The following SOX5 variants were observed in gnomAD, a reference collection of about 807,000 sequenced individuals.
The protein encoded by SOX5 is SRY-box transcription factor 5.
In SOX5, 9 loss-of-function variants were observed where a neutral mutation model predicts 92.0. The ratio of observed to expected loss-of-function variants is 0.10; its 90% CI spans 0.06 to 0.17. SOX5 has a LOEUF of 0.17. Ranked by LOEUF, SOX5 falls within the 10% of genes least tolerant of loss-of-function variation. The pLI, the probability that SOX5 is intolerant of heterozygous loss-of-function variation, is 1.00. For missense variants in SOX5, 642 were observed against 944.5 expected (o/e 0.68, Z 4.20); for synonymous variants, 344 against 336.3 (o/e 1.02, Z -0.25).
At chr12:23,865,592 T>C (rs1337899011) in intron 2 of SOX5, among the ~76,000 whole-genome samples, 2 of 152,032 alleles carry the variant, frequency 1.3e-5, no homozygotes, top group African/African-American at 4.8e-5. Context: ...GGAGAATCAC[T>C]TGAACCCGGG....
chr12:23,545,131 A>G (rs964909439), intron 12 of SOX5, among the ~76,000 whole-genome samples: 1 of 152,228 alleles, frequency 6.6e-6, no homozygotes, highest in African/African-American at 2.4e-5. Context: ...TCCCTTGATT[A>G]GTATAGACCT....
chr12:24,092,841 T>C (rs886787570), intron 4 of SOX5, among the ~76,000 whole-genome samples: 3 of 152,164 alleles, frequency 2.0e-5, no homozygotes, highest in Admixed American at 2.0e-4. Context: ...TTTAGACCAA[T>C]AAATAATAGC....
At chr12:24,435,187 C>T (rs1226005622) in intron 1 of SOX5, among the ~76,000 whole-genome samples, 1 of 152,196 alleles carries the variant, frequency 6.6e-6, no homozygotes, top group Non-Finnish European at 1.5e-5. Flanking sequence ...GAGATACTAG[C>T]TAAGAGGTTG....
intron 4 of SOX5, among the ~76,000 whole-genome samples, chr12:24,050,861 T>A (rs961455519): frequency 1.3e-5 from 2 of 152,152 alleles, no homozygotes; most frequent in African/African-American, 4.8e-5. Flanking sequence ...TTATTATTAT[T>A]TGGAGAGGTC....
intron 2 of SOX5, among the ~76,000 whole-genome samples, chr12:24,340,049 G>A (rs1952401816): frequency 6.6e-6 from 1 of 152,206 alleles, no homozygotes. Context: ...CTGCAGAAGA[G>A]TCTTGCAGGC....
rs1197912028 is a variant in SOX5 at position 23,577,150 on chromosome 12, TACACACACACAC to T, written c.1165-1324_1165-1313del. Reference sequence around the variant, plus strand: ...TCGATATCAAGTTTATATATATATATACACACACACACACACACACACACACATATATATATA... The same window carrying T: ...TCGATATCAAGTTTATATATATATATACACACACACACACATATATATATA... On this transcript the variant is annotated intron_variant, in intron 9 of 14. Transcript: ENST00000451604. Among the ~76,000 whole-genome samples, 6 of 117,598 alleles carry T rather than the reference TACACACACACAC, an allele frequency of 5.1e-5. No homozygotes were observed. In the South Asian group the frequency reaches 1.4e-3, roughly 27 times the overall value. The allele number at this position is 117,598 out of a possible 152,430, so 77.1% of individuals were successfully genotyped here.
At chr12:24,317,869 G>T (rs1949845515) in intron 2 of SOX5, among the ~76,000 whole-genome samples, 1 of 152,110 alleles carries the variant, frequency 6.6e-6, no homozygotes, top group Non-Finnish European at 1.5e-5. Flanking sequence ...ATCAAAAGAA[G>T]AGATCCCTCC....
At chr12:23,674,404 C>G (rs1014395222) in intron 6 of SOX5, among the ~76,000 whole-genome samples, 2 of 128,262 alleles carry the variant, frequency 1.6e-5, no homozygotes, top group Non-Finnish European at 3.1e-5. Flanking sequence ...TCAGCACGAT[C>G]TCGGCTCTCT....
chr12:23,886,270 A>G (rs1282269730), intron 2 of SOX5, among the ~76,000 whole-genome samples: 2 of 152,234 alleles, frequency 1.3e-5, no homozygotes, highest in Non-Finnish European at 2.9e-5. Flanking sequence ...AGAAAATCCA[A>G]TACTAGACTC....
chr12:24,442,545 T>A (rs980192764), intron 1 of SOX5, among the ~76,000 whole-genome samples: 9 of 152,190 alleles, frequency 5.9e-5, no homozygotes, highest in Non-Finnish European at 1.3e-4. Flanking sequence ...TGGGGTAGTG[T>A]CTGCTGCTTT....
At chr12:23,534,774 A>G (rs924706141) in intron 14 of SOX5, among the ~76,000 whole-genome samples, 1 of 135,850 alleles carries the variant, frequency 7.4e-6, no homozygotes, top group African/African-American at 2.8e-5. Flanking sequence ...CAATGGCGTG[A>G]TCTTGCCTCA....
At chr12:23,785,655 A>G (rs1315221077) in intron 3 of SOX5, among the ~76,000 whole-genome samples, 1 of 152,110 alleles carries the variant, frequency 6.6e-6, no homozygotes, top group African/African-American at 2.4e-5. Flanking sequence ...TTAGATGGAC[A>G]ATAATGTTGA....
At chr12:23,636,844 C>T (rs995085003) in intron 8 of SOX5, among the ~76,000 whole-genome samples, 11 of 152,146 alleles carry the variant, frequency 7.2e-5, no homozygotes, top group Admixed American at 1.3e-4. Context: ...CATAAAGTCT[C>T]CTGTACTTGA....
chr12:23,959,792 C>A (rs1946689279), intron 4 of SOX5, among the ~76,000 whole-genome samples: 1 of 152,110 alleles, frequency 6.6e-6, no homozygotes, highest in African/African-American at 2.4e-5. Flanking sequence ...TGCTCAACAT[C>A]TTCCATTATA....
rs538172401 is a variant in SOX5 at position 23,586,296 on chromosome 12, G to A, written c.1165-10458C>T. Among the ~76,000 whole-genome samples, 10 of 152,152 alleles carry A rather than the reference G, an allele frequency of 6.6e-5. No homozygotes were observed. In the South Asian group the frequency reaches 1.9e-3, roughly 28 times the overall value. On this transcript the variant is annotated intron_variant, in intron 9 of 14. Transcript: ENST00000451604. ...CTCTTGTTTTTCCCCCAAGTGGTAG[G>A]TTAATTCTTTAATTTGTTCCACAAA...
chr12:23,867,910 T>A (rs1231861078), intron 2 of SOX5, among the ~76,000 whole-genome samples: 1 of 151,938 alleles, frequency 6.6e-6, no homozygotes, highest in Non-Finnish European at 1.5e-5. Flanking sequence ...GTAGATAGAT[T>A]TAAGTAAATA....
intron 6 of SOX5, among the ~76,000 whole-genome samples, chr12:23,678,252 C>A (rs2086023538): frequency 6.6e-6 from 1 of 151,926 alleles, no homozygotes; most frequent in South Asian, 2.1e-4. Flanking sequence ...TGTAAATATA[C>A]CCAATAATAA....
chr12:23,673,378 C>T (rs2085116754), intron 6 of SOX5, among the ~76,000 whole-genome samples: 1 of 152,000 alleles, frequency 6.6e-6, no homozygotes, highest in Admixed American at 6.6e-5. Flanking sequence ...TTCTTGACCA[C>T]AATACAGCAT....
intron 6 of SOX5, among the ~76,000 whole-genome samples, chr12:23,733,068 G>A (rs1316316937): frequency 6.6e-6 from 1 of 152,178 alleles, no homozygotes; most frequent in Non-Finnish European, 1.5e-5. Context: ...CACTGAAGGT[G>A]TTGGCTAATC....
Sources: gnomAD v4.1 joint callset for allele counts (sites outside exome capture counted in the v4.1 genomes callset) on GRCh38, gnomAD v4.1.1 for gene constraint, MANE v1.5 for transcripts, NCBI Gene and HGNC (gene_info 2026-07-23, HGNC 2026-07-21) for gene names.